UNC13C: variants seen among roughly 807,000 people sequenced by gnomAD.
UNC13C encodes protein unc-13 homolog C.
A neutral mutation model predicts 245.4 loss-of-function variants in UNC13C; 174 were observed. The ratio of observed to expected loss-of-function variants is 0.71; its 90% CI spans 0.63 to 0.80. The LOEUF (loss-of-function observed/expected upper bound fraction) is 0.80, where lower values mean the gene tolerates loss of function less well. UNC13C is among the 30% of genes least tolerant of loss of function. UNC13C has a pLI of 0.00. For missense variants in UNC13C, 2,829 were observed against 2,602.9 expected (o/e 1.09, Z -1.89); for synonymous variants, 992 against 895.1 (o/e 1.11, Z -1.93).
the UNC13C span, among the ~76,000 whole-genome samples, chr15:53,971,456 T>G: frequency 6.6e-6 from 1 of 152,008 alleles, no homozygotes; most frequent in Non-Finnish European, 1.5e-5. Context: ...GACATCAAAC[T>G]TAGAAACTTC....
At chr15:53,879,949 GTGTT>G in the UNC13C span, among the ~76,000 whole-genome samples, 1 of 131,876 alleles carries the variant, frequency 7.6e-6, no homozygotes, top group African/African-American at 2.9e-5. Context: ...CTGCGTGTGT[GTGTT>G]TGTGTGTGTG....
chr15:54,133,032 A>G (rs2031523621), intron 2 of UNC13C, among the ~76,000 whole-genome samples: 1 of 152,216 alleles, frequency 6.6e-6, no homozygotes, highest in African/African-American at 2.4e-5. Flanking sequence ...ATATCTATCC[A>G]TCTTAATCTT....
chr15:54,400,092 C>T (rs1051347982), intron 18 of UNC13C, among the ~76,000 whole-genome samples: 1 of 151,846 alleles, frequency 6.6e-6, no homozygotes, highest in Admixed American at 6.6e-5. Context: ...GCTGAGTTAT[C>T]TTAAACAAAC....
Position 54,015,493 on chromosome 15 carries a change from G to A in UNC13C, c.2590G>A (p.Glu864Lys). Residue 864 changes from glutamate to lysine, a missense_variant, in exon 2 of 33, where the codon GAG becomes AAG. Transcript: ENST00000260323. ...GCCCTATTACTATAAAGCAGAGGAT[G>A]AGGAAGATTATACTGAACCAGTGGC... The part of the protein sequence containing the change: ...TEPYYYKAED[E>K]EDYTEPVADN... The A allele has an allele frequency of 1.2e-6, 2 of 1,612,892 alleles. No individual in the cohort carries two copies. Among genetic ancestry groups the A allele is most frequent in the Non-Finnish European group, 8.5e-7 (1 of 1,179,146 alleles).
chr15:54,374,791 C>T (rs570736782), intron 17 of UNC13C, among the ~76,000 whole-genome samples: 142 of 152,328 alleles, frequency 9.3e-4, no homozygotes, highest in Non-Finnish European at 1.8e-3. Flanking sequence ...GGCTGCGCCT[C>T]GCCGGCTGGC....
intron 2 of UNC13C, among the ~76,000 whole-genome samples, chr15:54,026,236 T>C (rs1342668231): frequency 6.6e-6 from 1 of 152,190 alleles, no homozygotes; most frequent in Non-Finnish European, 1.5e-5. Context: ...AAAACGTTAA[T>C]GGAGTAGACT....
intron 22 of UNC13C, among the ~76,000 whole-genome samples, chr15:54,502,466 A>G (rs1422969059): frequency 6.6e-6 from 1 of 152,168 alleles, no homozygotes; most frequent in South Asian, 2.1e-4. Flanking sequence ...GCCAGTAATC[A>G]TTTATTTAAA....
chr15:54,402,460 A>G (rs746748808), intron 18 of UNC13C, among the ~76,000 whole-genome samples: 7 of 152,154 alleles, frequency 4.6e-5, no homozygotes, highest in Non-Finnish European at 7.4e-5. Flanking sequence ...CCCTGACCAC[A>G]TATCACAGAG....
At chr15:53,889,478 TAC>T in the UNC13C span, among the ~76,000 whole-genome samples, 2 of 152,210 alleles carry the variant, frequency 1.3e-5, no homozygotes, top group Admixed American at 6.5e-5. Context: ...TTTCTAAATA[TAC>T]AATCATGTCA....
chr15:54,454,278 G>A (rs7496778), intron 19 of UNC13C, among the ~76,000 whole-genome samples: 59,409 of 151,822 alleles, frequency 0.39, 11,902 homozygotes, highest in East Asian at 0.62. Context: ...TCTGTACCCA[G>A]TGAACAATAA....
intron 2 of UNC13C, among the ~76,000 whole-genome samples, chr15:54,103,398 A>G (rs1900267200): frequency 6.6e-6 from 1 of 152,206 alleles, no homozygotes; most frequent in South Asian, 2.1e-4. Context: ...TGTTTCCTGG[A>G]ACAGGATGAA....
chr15:54,533,177 A>AGGCCGGGCGCGGTGGC, intron 26 of UNC13C, 111 bp downstream of exon 26: 1 of 740,660 alleles, frequency 1.4e-6, no homozygotes, highest in Non-Finnish European at 2.1e-6. Flanking sequence ...AAGTCTTTCT[A>AGGCCGGGCGCGGTGGC]TAGAAATAAA....
chr15:54,267,168 T>C (rs1312488315), intron 10 of UNC13C, among the ~76,000 whole-genome samples: 1 of 147,156 alleles, frequency 6.8e-6, no homozygotes, highest in Non-Finnish European at 1.5e-5. Flanking sequence ...TGTGTGGACA[T>C]ATGTTTTTAT....
intron 17 of UNC13C, among the ~76,000 whole-genome samples, chr15:54,392,756 C>A (rs924342259): frequency 6.6e-6 from 1 of 151,834 alleles, no homozygotes; most frequent in Non-Finnish European, 1.5e-5. Context: ...AACTTGTAAT[C>A]ATCAGAGGCA....
chr15:54,089,939 A>T (rs907341061), intron 2 of UNC13C, among the ~76,000 whole-genome samples: 1 of 152,180 alleles, frequency 6.6e-6, no homozygotes, highest in African/African-American at 2.4e-5. Flanking sequence ...TTCGGTCCTC[A>T]GTGGACTGTA....
At chr15:54,079,069 T>C (rs1898792444) in intron 2 of UNC13C, among the ~76,000 whole-genome samples, 1 of 152,070 alleles carries the variant, frequency 6.6e-6, no homozygotes, top group South Asian at 2.1e-4. Context: ...GAATACGGTG[T>C]TCCTCTCTCT....
At chr15:54,364,284 G>A (rs891078876) in intron 17 of UNC13C, among the ~76,000 whole-genome samples, 4 of 66,776 alleles carry the variant, frequency 6.0e-5, no homozygotes, top group Non-Finnish European at 1.2e-4. Context: ...GTATTTATTA[G>A]ACCAAAAAAT....
chr15:54,248,429 T>C (rs2036053647), intron 7 of UNC13C, among the ~76,000 whole-genome samples: 1 of 152,136 alleles, frequency 6.6e-6, no homozygotes, highest in African/African-American at 2.4e-5. Context: ...ATTTTAATGA[T>C]AGTGAAGATA....
chr15:54,316,913 G>A (rs1307724951), intron 13 of UNC13C, among the ~76,000 whole-genome samples: 2 of 151,752 alleles, frequency 1.3e-5, no homozygotes, highest in Non-Finnish European at 2.9e-5. Context: ...TAGGATTCGA[G>A]GTATGTGCTT....
Sources: gnomAD v4.1 joint callset for allele counts (sites outside exome capture counted in the v4.1 genomes callset) on GRCh38, gnomAD v4.1.1 for gene constraint, MANE v1.5 for transcripts, NCBI Gene and HGNC (gene_info 2026-07-23, HGNC 2026-07-21) for gene names.